Variants in ASIC2 observed in about 807,000 individuals in gnomAD.
ASIC2 encodes acid-sensing ion channel 2.
A neutral mutation model predicts 57.3 loss-of-function variants in ASIC2; 25 were observed. The observed-to-expected ratio is 0.44, with a 90% CI of 0.32 to 0.61. ASIC2 has a LOEUF of 0.61. ASIC2 is among the 20% of genes least tolerant of loss of function. The pLI is 0.06. For synonymous variants in ASIC2, 319 were observed against 307.5 expected (o/e 1.04, Z -0.39); for missense variants, 641 against 738.1 (o/e 0.87, Z 1.52).
chr17:33,223,611 G>T (rs577771676), intron 1 of ASIC2, among the ~76,000 whole-genome samples: 1 of 152,316 alleles, frequency 6.6e-6, no homozygotes, highest in South Asian at 2.1e-4. Context: ...TTCCAGCATG[G>T]CTTCAAAAAG....
At chr17:33,685,776 T>G (rs2142060555) in intron 1 of ASIC2, among the ~76,000 whole-genome samples, 1 of 152,282 alleles carries the variant, frequency 6.6e-6, no homozygotes, top group East Asian at 1.9e-4. Flanking sequence ...ACCAGCCCCA[T>G]TGGTCAGGTG....
At chr17:33,690,906 C>T (rs1013676355) in intron 1 of ASIC2, among the ~76,000 whole-genome samples, 25 of 151,954 alleles carry the variant, frequency 1.6e-4, no homozygotes, top group Admixed American at 2.0e-4. Context: ...CCTGCCACCA[C>T]GCCTGGCTAA....
intron 1 of ASIC2, among the ~76,000 whole-genome samples, chr17:33,924,399 C>G (rs1244410721): frequency 6.6e-6 from 1 of 152,186 alleles, no homozygotes; most frequent in African/African-American, 2.4e-5. Context: ...ACATGGAGTC[C>G]GCCAGGTGTG....
intron 1 of ASIC2, among the ~76,000 whole-genome samples, chr17:33,717,282 A>G (rs916230376): frequency 2.0e-5 from 3 of 152,262 alleles, no homozygotes; most frequent in Non-Finnish European, 4.4e-5. Context: ...AATGGATATT[A>G]CTGGAAAAAA....
chr17:33,315,584 G>T (rs1363225380), intron 1 of ASIC2, among the ~76,000 whole-genome samples: 1 of 152,094 alleles, frequency 6.6e-6, no homozygotes, highest in East Asian at 1.9e-4. Context: ...GAAAAGAATG[G>T]GTTAAATGAT....
At chr17:33,358,413 T>A (rs971858292) in intron 1 of ASIC2, among the ~76,000 whole-genome samples, 2 of 152,216 alleles carry the variant, frequency 1.3e-5, no homozygotes, top group East Asian at 1.9e-4. Context: ...AGCAATGACA[T>A]CATGACCTAT....
chr17:33,754,828 G>A (rs1050079021), intron 1 of ASIC2, among the ~76,000 whole-genome samples: 1 of 151,660 alleles, frequency 6.6e-6, no homozygotes, highest in African/African-American at 2.4e-5. Flanking sequence ...CATGGTGGCG[G>A]GCACCTGTGG....
At chr17:33,572,967 T>A (rs189983980) in intron 1 of ASIC2, among the ~76,000 whole-genome samples, 1 of 152,364 alleles carries the variant, frequency 6.6e-6, no homozygotes, top group Admixed American at 6.5e-5. Context: ...CTGCCTATCA[T>A]ATTTTGGAGT....
chr17:33,204,126 A>T (rs319787), intron 1 of ASIC2, among the ~76,000 whole-genome samples: 8,478 of 152,200 alleles, frequency 0.056, 298 homozygotes, highest in Middle Eastern at 0.11. Context: ...TTTCAGAGAG[A>T]CCTGCACTCA....
intron 1 of ASIC2, among the ~76,000 whole-genome samples, chr17:33,381,198 T>C (rs1010076142): frequency 1.3e-5 from 2 of 152,216 alleles, no homozygotes; most frequent in Non-Finnish European, 2.9e-5. Flanking sequence ...AGAGGATTTA[T>C]TGGCTCTGAA....
intron 1 of ASIC2, among the ~76,000 whole-genome samples, chr17:33,114,059 G>T (rs887875817): frequency 1.3e-5 from 2 of 152,286 alleles, no homozygotes; most frequent in Non-Finnish European, 2.9e-5. Context: ...TCTACTGCTC[G>T]CCTTGAAGAC....
At chr17:33,196,150 T>A (rs1252356894) in intron 1 of ASIC2, among the ~76,000 whole-genome samples, 2 of 152,218 alleles carry the variant, frequency 1.3e-5, no homozygotes. Flanking sequence ...GCTCATTTCA[T>A]CGTTCCTAAA....
At chr17:33,436,904 C>T (rs1301565404) in intron 1 of ASIC2, among the ~76,000 whole-genome samples, 4 of 128,972 alleles carry the variant, frequency 3.1e-5, no homozygotes, top group Non-Finnish European at 6.3e-5. Flanking sequence ...CTCGCTCTGT[C>T]GCCCAGGCTG....
intron 1 of ASIC2, among the ~76,000 whole-genome samples, chr17:33,490,783 TTG>T (rs1411102635): frequency 6.6e-6 from 1 of 152,234 alleles, no homozygotes; most frequent in African/African-American, 2.4e-5. Flanking sequence ...ACAAAGATTT[TTG>T]TGTGTTTGTT....
At chr17:34,015,196 A>G (rs1159070124) in intron 1 of ASIC2, among the ~76,000 whole-genome samples, 1 of 151,840 alleles carries the variant, frequency 6.6e-6, no homozygotes, top group East Asian at 1.9e-4. Flanking sequence ...GGGACGAGCA[A>G]CTATGCCTAG....
intron 1 of ASIC2, among the ~76,000 whole-genome samples, chr17:33,325,505 A>G (rs572996829): frequency 1.2e-4 from 19 of 152,282 alleles, no homozygotes; most frequent in African/African-American, 3.9e-4. Context: ...AGGGTGGTGC[A>G]TGGGGAATGG....
In ASIC2 at chr17:33,399,180, C is replaced by T. The variant is rs542761811; in HGVS notation, c.556-287113G>A. 6.2e-4 allele frequency among the ~76,000 whole-genome samples: 94 copies of T among 152,274 alleles called. 1 individual carries two copies. The highest frequency in any genetic ancestry group is 2.1e-4 in the Non-Finnish European group (14 of 68,022). ...TGTGGTTTCTGATGCTTTCCTGGGC[C>T]TTGAGTTCTGTCCTTCATGAGGCCC... On this transcript the variant is annotated intron_variant, in intron 1 of 9. Coordinates refer to the ASIC2 transcript ENST00000359872.
intron 1 of ASIC2, among the ~76,000 whole-genome samples, chr17:33,973,270 G>A (rs1905273319): frequency 6.6e-6 from 1 of 152,226 alleles, no homozygotes; most frequent in Non-Finnish European, 1.5e-5. Flanking sequence ...TAGGAGCCAA[G>A]GATTTAGGAT....
chr17:33,024,040 TAGTC>T (rs1286980441), intron 5 of ASIC2, 26 bp from the exon 6 acceptor site: 1 of 1,613,626 alleles, frequency 6.2e-7, no homozygotes, highest in Non-Finnish European at 8.5e-7. Context: ...AGGTGGGGCT[TAGTC>T]AGGTGTGGGC....
Sources: gnomAD v4.1 joint callset for allele counts (sites outside exome capture counted in the v4.1 genomes callset) on GRCh38, gnomAD v4.1.1 for gene constraint, MANE v1.5 for transcripts, NCBI Gene and HGNC (gene_info 2026-07-23, HGNC 2026-07-21) for gene names.